The following TUSC3 variants were observed in gnomAD, a reference collection of about 807,000 sequenced individuals.
TUSC3 encodes dolichyl-diphosphooligosaccharide--protein glycosyltransferase subunit TUSC3.
Under a neutral mutation model 44.8 loss-of-function variants are expected in TUSC3, and 45 were observed. The ratio of observed to expected loss-of-function variants is 1.00; its 90% CI spans 0.79 to 1.29. The LOEUF (loss-of-function observed/expected upper bound fraction) is 1.29. TUSC3 is among the 50% of genes most tolerant of loss of function. TUSC3 has a pLI of 0.00. For missense variants in TUSC3, 519 were observed against 437.9 expected (o/e 1.19, Z -1.65); for synonymous variants, 212 against 152.9 (o/e 1.39, Z -2.85).
At chr8:15,666,233 A>G (rs1807655323) in intron 5 of TUSC3, among the ~76,000 whole-genome samples, 1 of 151,516 alleles carries the variant, frequency 6.6e-6, no homozygotes, top group Admixed American at 6.6e-5. Flanking sequence ...AGGATAAGCA[A>G]TAACATTCAT....
chr8:15,619,194 G>C (rs1404126756), intron 1 of TUSC3, among the ~76,000 whole-genome samples: 1 of 152,122 alleles, frequency 6.6e-6, no homozygotes, highest in Non-Finnish European at 1.5e-5. Context: ...GAATAGGCGA[G>C]ATTTCAGTTC....
At chr8:15,436,505 C>CT (rs1198801321) in intron 1 of TUSC3, among the ~76,000 whole-genome samples, 1 of 152,128 alleles carries the variant, frequency 6.6e-6, no homozygotes, top group Non-Finnish European at 1.5e-5. Context: ...CTAGTTTGTA[C>CT]TTTTTCATTT....
intron 7 of TUSC3, among the ~76,000 whole-genome samples, chr8:15,740,794 G>T (rs967460779): frequency 2.6e-5 from 4 of 152,100 alleles, no homozygotes; most frequent in African/African-American, 9.7e-5. Context: ...AGACCGTGGA[G>T]AAAATATTGC....
At chr8:15,472,370 GAAAGTT>G (rs1800505309) in intron 1 of TUSC3, among the ~76,000 whole-genome samples, 1 of 152,152 alleles carries the variant, frequency 6.6e-6, no homozygotes, top group Admixed American at 6.5e-5. Flanking sequence ...TTTCTATCTA[GAAAGTT>G]AAAGTAAAAT....
At chr8:15,690,603 G>A (rs1182242824) in intron 6 of TUSC3, among the ~76,000 whole-genome samples, 2 of 152,008 alleles carry the variant, frequency 1.3e-5, no homozygotes, top group African/African-American at 4.8e-5. Context: ...GGTATTTCCT[G>A]TGTTATCTTC....
intron 2 of TUSC3, among the ~76,000 whole-genome samples, chr8:15,499,995 C>A (rs969498579): frequency 1.3e-5 from 2 of 152,004 alleles, no homozygotes; most frequent in Non-Finnish European, 1.5e-5. Context: ...TTTTAAACTC[C>A]ATTCCTTCAA....
chr8:15,844,454 T>A, the TUSC3 span, among the ~76,000 whole-genome samples: 1 of 152,120 alleles, frequency 6.6e-6, no homozygotes, highest in Non-Finnish European at 1.5e-5. Context: ...GATAGGACTA[T>A]TTTCAAGGCA....
chr8:15,775,440 A>G, the TUSC3 span, among the ~76,000 whole-genome samples: 3 of 152,008 alleles, frequency 2.0e-5, no homozygotes, highest in African/African-American at 7.2e-5. Flanking sequence ...TAAGTTTAAA[A>G]TGATTAATTT....
intron 2 of TUSC3, among the ~76,000 whole-genome samples, chr8:15,628,821 A>C (rs542013996): frequency 1.8e-4 from 27 of 152,356 alleles, no homozygotes; most frequent in South Asian, 4.1e-4. Context: ...AGCAAGAACC[A>C]TGCTCCTTTG....
the TUSC3 span, among the ~76,000 whole-genome samples, chr8:15,813,765 A>G: frequency 7.0e-6 from 1 of 142,876 alleles, no homozygotes; most frequent in African/African-American, 2.7e-5. Context: ...CTCATGTGAA[A>G]GAGGTTTTTT....
At chr8:15,487,132 C>CTGTT (rs375570084) in intron 2 of TUSC3, among the ~76,000 whole-genome samples, 1 of 152,076 alleles carries the variant, frequency 6.6e-6, no homozygotes, top group Non-Finnish European at 1.5e-5. Context: ...GAATATTTTC[C>CTGTT]TGTTTGTTTG....
At chr8:15,824,635 C>T in the TUSC3 span, among the ~76,000 whole-genome samples, 26,242 of 151,890 alleles carry the variant, frequency 0.17, 2,412 homozygotes, top group Admixed American at 0.28. Context: ...GGACGGATAG[C>T]ATTAGGAGAT....
At chr8:15,731,743 A>G (rs947770278) in intron 7 of TUSC3, among the ~76,000 whole-genome samples, 3 of 152,170 alleles carry the variant, frequency 2.0e-5, no homozygotes, top group Non-Finnish European at 4.4e-5. Flanking sequence ...AATCTGGAGG[A>G]AAAATACTAT....
chr8:15,559,658 C>G (rs1266838462), intron 1 of TUSC3, among the ~76,000 whole-genome samples: 3 of 137,082 alleles, frequency 2.2e-5, no homozygotes, highest in Admixed American at 7.4e-5. Flanking sequence ...GTAGGTCACT[C>G]AGGACTTGCT....
At chr8:15,744,997 T>C (rs572159474) in intron 8 of TUSC3, among the ~76,000 whole-genome samples, 82 of 152,278 alleles carry the variant, frequency 5.4e-4, no homozygotes, top group African/African-American at 1.9e-3. Flanking sequence ...TATGTTCATA[T>C]GTACACAATG....
At chr8:15,460,793 C>T (rs1319766044) in intron 1 of TUSC3, among the ~76,000 whole-genome samples, 12 of 152,040 alleles carry the variant, frequency 7.9e-5, no homozygotes. Context: ...GGTGTCGTTT[C>T]CCCCACTTTG....
chr8:15,621,280 A>G (rs1265593054), intron 1 of TUSC3, among the ~76,000 whole-genome samples: 5 of 151,664 alleles, frequency 3.3e-5, no homozygotes, highest in Non-Finnish European at 7.4e-5. Flanking sequence ...TTTAAAACTT[A>G]TTAAATATAT....
In TUSC3 at chr8:15,457,949, A is replaced by G. The variant is rs571474985; in HGVS notation, n.92-25437A>G. On this transcript the variant is annotated intron_variant and non_coding_transcript_variant, in intron 1 of 5. Transcript: ENST00000503191. ...GTACTCCAATGATGAATGAATCTTA[A>G]TACAATATTGAATATTTTTAAAGTT... is the stretch of plus-strand genomic sequence containing the variant. Among the ~76,000 whole-genome samples the G allele has an allele frequency of 5.3e-5, 8 of 151,342 alleles. No individual in the cohort carries two copies. The South Asian group carries it at 1.7e-3, about 31-fold the overall frequency.
chr8:15,536,098 T>C (rs1013928607), upstream of TUSC3, among the ~76,000 whole-genome samples: 5 of 152,138 alleles, frequency 3.3e-5, no homozygotes, highest in Admixed American at 1.3e-4. Context: ...ATACAAAAGA[T>C]TGGACACCAC....
Sources: allele counts gnomAD v4.1 joint callset (sites outside exome capture counted in the v4.1 genomes callset), GRCh38; gene constraint gnomAD v4.1.1; transcripts MANE v1.5; gene names NCBI Gene and HGNC (gene_info 2026-07-23, HGNC 2026-07-21).